The following SYT7 variants were observed in gnomAD, a reference collection of about 807,000 sequenced individuals.
SYT7 encodes synaptotagmin 7.
A neutral mutation model predicts 75.1 loss-of-function variants in SYT7; 29 were observed. That is an observed-to-expected ratio of 0.39 (90% CI 0.29 to 0.53). SYT7 has a LOEUF of 0.53. SYT7 is among the 20% of genes least tolerant of loss of function. The probability of loss-of-function intolerance (pLI) is 0.77; values close to 1 mark genes in which losing one functional copy is unlikely to be tolerated. For missense variants in SYT7, 693 were observed against 953.2 expected, an observed-to-expected ratio of 0.73 and a Z score of 3.59; for synonymous variants, 376 against 401.7, an observed-to-expected ratio of 0.94 and a Z score of 0.76.
At chr11:61,527,084 G>A (rs1159044084) in intron 9 of SYT7, among the ~76,000 whole-genome samples, 2 of 152,104 alleles carry the variant, frequency 1.3e-5, no homozygotes, top group Admixed American at 6.6e-5. Context: ...CCAGCTTCCT[G>A]GTTACCTTGA....
chr11:61,531,021 C>A, intron 8 of SYT7: 1 of 985,452 alleles, frequency 1.0e-6, no homozygotes, highest in Non-Finnish European at 1.2e-6. Context: ...CACCTCTGCC[C>A]CTCAGCTCCT....
At chr11:61,558,386 G>A (rs993585023) in intron 1 of SYT7, among the ~76,000 whole-genome samples, 1 of 151,958 alleles carries the variant, frequency 6.6e-6, no homozygotes, top group Admixed American at 6.6e-5. Context: ...CTCTGGCATG[G>A]GGGTTGGAGG....
intron 7 of SYT7, among the ~76,000 whole-genome samples, chr11:61,534,441 GCACGCACA>G (rs1565176320): frequency 3.3e-5 from 1 of 29,992 alleles, no homozygotes. Flanking sequence ...ACACGCACAC[GCACGCACA>G]CACGCACGTG....
intron 7 of SYT7, among the ~76,000 whole-genome samples, chr11:61,535,155 C>T (rs994631327): frequency 6.6e-6 from 1 of 152,102 alleles, no homozygotes; most frequent in Admixed American, 6.5e-5. Context: ...CATCACCGGC[C>T]CAGGGCAGCC....
At chr11:61,544,896 C>T (rs543191394) in intron 5 of SYT7, among the ~76,000 whole-genome samples, 6 of 152,248 alleles carry the variant, frequency 3.9e-5, no homozygotes, top group Admixed American at 1.3e-4. Flanking sequence ...CGGTGGCCTT[C>T]GGTGCTCCCA....
chr11:61,549,411 T>G (rs1038909808), intron 3 of SYT7, among the ~76,000 whole-genome samples: 1 of 152,190 alleles, frequency 6.6e-6, no homozygotes, highest in Non-Finnish European at 1.5e-5. Flanking sequence ...CAAACTTAGT[T>G]GGCCGTGAGA....
intron 1 of SYT7, among the ~76,000 whole-genome samples, chr11:61,574,475 C>T (rs1315304708): frequency 3.3e-5 from 5 of 152,204 alleles, no homozygotes; most frequent in Admixed American, 3.3e-4. Context: ...TATTATCATA[C>T]TATTGTTATT....
intron 8 of SYT7, among the ~76,000 whole-genome samples, chr11:61,532,388 A>G (rs2062739309): frequency 6.6e-6 from 1 of 152,190 alleles, no homozygotes; most frequent in African/African-American, 2.4e-5. Flanking sequence ...CAAACAACCT[A>G]GAACTAGGAT....
chr11:61,565,543 G>A (rs1351240005), intron 1 of SYT7, among the ~76,000 whole-genome samples: 1 of 152,216 alleles, frequency 6.6e-6, no homozygotes, highest in Non-Finnish European at 1.5e-5. Flanking sequence ...ACCCACCTGG[G>A]GAACAGGGCC....
At chr11:61,575,642 G>T (rs1190622108) in intron 1 of SYT7, among the ~76,000 whole-genome samples, 1 of 152,218 alleles carries the variant, frequency 6.6e-6, no homozygotes, top group Non-Finnish European at 1.5e-5. Flanking sequence ...GGGTGTGGCA[G>T]GGGGTAGGCA....
intron 1 of SYT7, among the ~76,000 whole-genome samples, chr11:61,561,650 A>G (rs2063638501): frequency 6.6e-6 from 1 of 152,110 alleles, no homozygotes; most frequent in South Asian, 2.1e-4. Flanking sequence ...CCAACGGTGG[A>G]GCATTTAATA....
chr11:61,553,470 G>A lies in SYT7; in HGVS notation c.136-2007C>T, dbSNP rs560613717. On this transcript the variant is annotated intron_variant, in intron 2 of 12. Coordinates refer to ENST00000539008, the MANE Select transcript of SYT7 (RefSeq NM_001365809.2). The surrounding 1 kb of genome is among the most constrained non-coding windows in gnomAD (Gnocchi z 5.2). ...CCTTCCCCGAGGCCAGGAAGGGCAC[G>A]GTCAGCCCTTTCCGAGCAGCGCCCC... 3.3e-5 allele frequency among the ~76,000 whole-genome samples: 5 copies of A among 152,200 alleles called. No individual in the cohort carries two copies. The highest frequency in any genetic ancestry group is 1.3e-4 in the Admixed American group (2 of 15,292).
rs953605957 is a variant in SYT7, at chr11:61,514,330, A to G, written c.*4297T>C. 6.6e-6 allele frequency among the ~76,000 whole-genome samples: 1 copy of G among 152,188 alleles called. No homozygotes were observed. The highest frequency in any genetic ancestry group is 2.4e-5 in the African/African-American group (1 of 41,440). The stretch of plus-strand genomic sequence containing the variant: ...ATCTCTGGAACAGAGATCAGAAGTG[A>G]TATCTAAACCAGGTTGTGGGAAATG... On this transcript the variant is annotated 3_prime_UTR_variant, in exon 13 of 13. Coordinates refer to ENST00000539008, the MANE Select transcript of SYT7 (RefSeq NM_001365809.2).
At chr11:61,570,106 G>C (rs954157034) in intron 1 of SYT7, among the ~76,000 whole-genome samples, 1 of 152,252 alleles carries the variant, frequency 6.6e-6, no homozygotes, top group Non-Finnish European at 1.5e-5. Flanking sequence ...CTTTTCAGAG[G>C]GAGGATCAAG....
chr11:61,580,891 CGCT>C lies in SYT7; in HGVS notation c.-74_-72del. The C allele has an allele frequency of 8.8e-7, 1 of 1,132,826 alleles. No individual in the cohort carries two copies. Among genetic ancestry groups the C allele is most frequent in the Non-Finnish European group, 1.1e-6 (1 of 925,458 alleles). The allele number at this position is 1,132,826 out of a possible 1,614,324, so 70.2% of individuals were successfully genotyped here. A position where few individuals can be genotyped will look rare whatever the true frequency, so the allele number is the denominator to read the frequency against. ...CGGCCGCGCGCTGCTCCGCCGCCGCCGCTGGGCATGGGGCCGGGCGACCCCCGG... is the reference window on the plus strand; with the variant it reads ...CGGCCGCGCGCTGCTCCGCCGCCGCCGGGCATGGGGCCGGGCGACCCCCGG... On this transcript the variant is annotated 5_prime_UTR_variant, in exon 1 of 13. Transcript: ENST00000539008. The surrounding 1 kb of genome is among the most constrained non-coding windows in gnomAD (Gnocchi z 6.1).
At chr11:61,569,790 C>T (rs1031518990) in intron 1 of SYT7, among the ~76,000 whole-genome samples, 1 of 152,110 alleles carries the variant, frequency 6.6e-6, no homozygotes, top group African/African-American at 2.4e-5. Flanking sequence ...CGGGGGAGGA[C>T]GGCTTGGAGT....
rs960588699 is a variant in SYT7, at chr11:61,551,693, C to A, written c.136-230G>T. Among the ~76,000 whole-genome samples the A allele has an allele frequency of 3.3e-5, 5 of 152,278 alleles. No homozygotes were observed. Among genetic ancestry groups the A allele is most frequent in the African/African-American group, 1.2e-4 (5 of 41,562 alleles). ...GCTCTAGGACCTGCCCCACCCACCT[C>A]GACCCGAACCTCATCCCTGACTCCC... On this transcript the variant is annotated intron_variant, in intron 2 of 12. Coordinates refer to ENST00000539008, the MANE Select transcript of SYT7 (RefSeq NM_001365809.2). The surrounding 1 kb of genome is among the most constrained non-coding windows in gnomAD (Gnocchi z 5.3).
chr11:61,562,906 G>A (rs2063674915), intron 1 of SYT7, among the ~76,000 whole-genome samples: 1 of 152,182 alleles, frequency 6.6e-6, no homozygotes, highest in African/African-American at 2.4e-5. Context: ...CAGGGCTGCT[G>A]GCTGCTGGGA....
chr11:61,586,460 A>G, the SYT7 span, among the ~76,000 whole-genome samples: 2 of 152,176 alleles, frequency 1.3e-5, no homozygotes, highest in African/African-American at 4.8e-5. Flanking sequence ...TTACTAGGTG[A>G]GTGACCCGGG....
Sources: gnomAD v4.1 joint callset for allele counts (sites outside exome capture counted in the v4.1 genomes callset) on GRCh38, gnomAD v4.1.1 for gene constraint, Gnocchi (gnomAD v3.1) non-coding constraint, MANE v1.5 for transcripts, NCBI Gene and HGNC (gene_info 2026-07-23, HGNC 2026-07-21) for gene names.